TTC3: variants seen among roughly 807,000 people sequenced by gnomAD.
The protein encoded by TTC3 is tetratricopeptide repeat domain 3.
TTC3 carries 180 observed loss-of-function variants against 249.6 expected under a neutral mutation model. The observed-to-expected ratio is 0.72, with a 90% CI of 0.64 to 0.82. The LOEUF (loss-of-function observed/expected upper bound fraction) is 0.82, where lower values mean the gene tolerates loss of function less well. TTC3 is among the 40% of genes least tolerant of loss of function. The probability of loss-of-function intolerance (pLI) is 0.00; values close to 1 mark genes in which losing one functional copy is unlikely to be tolerated. For synonymous variants in TTC3, 717 were observed against 805.0 expected, an observed-to-expected ratio of 0.89 and a Z score of 1.85; for missense variants, 2,061 against 2,398.4, an observed-to-expected ratio of 0.86 and a Z score of 2.94.
chr21:37,124,623 T>C, exon 14 of TTC3: 1 of 1,611,196 alleles, frequency 6.2e-7, no homozygotes, highest in South Asian at 1.1e-5. Flanking sequence ...ACTTAGGGCC[T>C]ACACACCTAG....
chr21:37,079,245 G>A (rs1489778100), intron 1 of TTC3, among the ~76,000 whole-genome samples: 1 of 152,022 alleles, frequency 6.6e-6, no homozygotes, highest in East Asian at 1.9e-4. Context: ...TGTCTTATCT[G>A]ACTTGGGTAT....
chr21:37,180,889 C>G (rs541283921), intron 35 of TTC3, among the ~76,000 whole-genome samples: 2 of 149,612 alleles, frequency 1.3e-5, no homozygotes, highest in Non-Finnish European at 3.0e-5. Context: ...TCAAAGGTAC[C>G]TCAAATATTT....
chr21:37,156,682 C>G, exon 28 of TTC3: 1 of 1,611,994 alleles, frequency 6.2e-7, no homozygotes, highest in Non-Finnish European at 8.5e-7. Flanking sequence ...ACTTTCTTTT[C>G]TCGTTATGGA....
intron 11 of TTC3, among the ~76,000 whole-genome samples, chr21:37,112,006 C>G (rs1235768937): frequency 6.6e-6 from 1 of 151,716 alleles, no homozygotes; most frequent in Non-Finnish European, 1.5e-5. Flanking sequence ...CCAACGAGAA[C>G]AAAGACACAA....
intron 35 of TTC3, among the ~76,000 whole-genome samples, chr21:37,175,943 G>A (rs1219156659): frequency 1.3e-5 from 2 of 151,788 alleles, no homozygotes; most frequent in African/African-American, 4.8e-5. Flanking sequence ...GCTAATTTTT[G>A]TATTTTTAGT....
In TTC3 at chr21:37,107,001, T is replaced by G. The variant is rs138427464; in HGVS notation, c.846-1391T>G. 2.7e-3 allele frequency among the ~76,000 whole-genome samples: 415 copies of G among 152,170 alleles called. 2 individuals are homozygous for G. The highest frequency in any genetic ancestry group is 9.3e-3 in the African/African-American group (385 of 41,512). ...AGTATCACCTTTGTCACGAATCAGGTCATTATGTGTAAGAATCCATTTCTA... is the reference window on the plus strand; with the variant it reads ...AGTATCACCTTTGTCACGAATCAGGGCATTATGTGTAAGAATCCATTTCTA... On this transcript the variant is annotated intron_variant, in intron 10 of 45. Transcript: ENST00000355666.
At chr21:37,121,589 T>G (rs1169235429) in intron 11 of TTC3, among the ~76,000 whole-genome samples, 1 of 152,218 alleles carries the variant, frequency 6.6e-6, no homozygotes, top group African/African-American at 2.4e-5. Flanking sequence ...GCAAAAATAT[T>G]GATCCTTAGT....
At chr21:37,161,344 C>T (rs552529479) in intron 30 of TTC3, among the ~76,000 whole-genome samples, 49 of 152,262 alleles carry the variant, frequency 3.2e-4, no homozygotes, top group Admixed American at 2.7e-3. Context: ...GGTACAGTGA[C>T]GGCTCACTGC....
chr21:37,180,649 T>C (rs1369127177), intron 35 of TTC3, among the ~76,000 whole-genome samples: 1 of 146,502 alleles, frequency 6.8e-6, no homozygotes, highest in Non-Finnish European at 1.5e-5. Flanking sequence ...TTGGGAGATA[T>C]ACCTAATGCT....
chr21:37,158,938 C>T (rs1013477597), intron 28 of TTC3, among the ~76,000 whole-genome samples: 37 of 51,910 alleles, frequency 7.1e-4, no homozygotes, highest in African/African-American at 2.8e-3. Flanking sequence ...GGACTCCATG[C>T]CTCTAGAATC....
chr21:37,113,790 C>T (rs1410524287), intron 11 of TTC3, among the ~76,000 whole-genome samples: 5 of 152,180 alleles, frequency 3.3e-5, no homozygotes, highest in African/African-American at 4.8e-5. Flanking sequence ...TCAAACTATA[C>T]TACAAGGCTA....
chr21:37,136,914 A>G (rs2077993640), intron 18 of TTC3, among the ~76,000 whole-genome samples: 1 of 152,168 alleles, frequency 6.6e-6, no homozygotes, highest in Admixed American at 6.5e-5. Flanking sequence ...GTGCTCATTT[A>G]TGTTCCAAAA....
At position 37,156,588 on chromosome 21, in the gene TTC3, A is replaced by C. The variant is rs142044319; in HGVS notation, c.2741-67A>C. On this transcript the variant is annotated intron_variant, in intron 27 of 45. Transcript: ENST00000355666. ...TAATCAGCTGCTTTCAGAGATGTGA[A>C]ACTAAATGTGATTTTACAGTAAATA... The C allele has an allele frequency of 5.2e-4, 794 of 1,537,762 alleles. 5 individuals are homozygous for C. In the African/African-American group the frequency reaches 9.1e-3, roughly 18 times the overall value.
chr21:37,146,361 A>G (rs976177014), intron 21 of TTC3, among the ~76,000 whole-genome samples: 3 of 152,130 alleles, frequency 2.0e-5, no homozygotes, highest in Admixed American at 6.6e-5. Context: ...AAACCCATCA[A>G]TACAAAAATT....
chr21:37,157,020 T>A, intron 28 of TTC3, 114 bp downstream of exon 28: 2 of 1,411,376 alleles, frequency 1.4e-6, no homozygotes, highest in Non-Finnish European at 1.9e-6. Flanking sequence ...ATTATTATGG[T>A]ACAATCAGTT....
intron 1 of TTC3, among the ~76,000 whole-genome samples, chr21:37,078,228 T>A (rs1490766327): frequency 1.3e-5 from 2 of 152,208 alleles, no homozygotes. Flanking sequence ...CATACCACAC[T>A]GTCTTAATCA....
At chr21:37,079,517 G>GTTTTTTTTTTTTTTTTTTTTT (rs60361476) in intron 1 of TTC3, among the ~76,000 whole-genome samples, 1 of 91,180 alleles carries the variant, frequency 1.1e-5, no homozygotes, top group African/African-American at 4.8e-5. Context: ...TTATGGTATG[G>GTTTTTTTTTTTTTTTTTTTTT]TTTTTTTTTT....
At chr21:37,141,895 T>C (rs2078503486) in intron 20 of TTC3, among the ~76,000 whole-genome samples, 1 of 152,158 alleles carries the variant, frequency 6.6e-6, no homozygotes, top group African/African-American at 2.4e-5. Context: ...TCAAAAAGCT[T>C]ATCCACCATG....
intron 31 of TTC3, among the ~76,000 whole-genome samples, chr21:37,163,784 T>G (rs2080995933): frequency 6.6e-6 from 1 of 152,232 alleles, no homozygotes; most frequent in Non-Finnish European, 1.5e-5. Flanking sequence ...TTTTTAAAAA[T>G]ATGGAGTTTT....
Sources: allele counts gnomAD v4.1 joint callset (sites outside exome capture counted in the v4.1 genomes callset), GRCh38; gene constraint gnomAD v4.1.1; transcripts MANE v1.5; gene names NCBI Gene and HGNC (gene_info 2026-07-23, HGNC 2026-07-21).